GRM7: variants seen among roughly 807,000 people sequenced by gnomAD.
GRM7 encodes metabotropic glutamate receptor 7.
Under a neutral mutation model 84.5 loss-of-function variants are expected in GRM7, and 35 were observed. The observed-to-expected ratio is 0.41, with a 90% CI of 0.32 to 0.55. GRM7 has a LOEUF of 0.55. Among genes scored for constraint, GRM7 ranks in the 20% least tolerant of loss-of-function variants. GRM7 has a pLI of 0.19. For synonymous variants in GRM7, 487 were observed against 455.1 expected (o/e 1.07, Z -0.89); for missense variants, 1,003 against 1,194.6 (o/e 0.84, Z 2.36).
chr3:7,343,262 C>T (rs755099258), intron 4 of GRM7, among the ~76,000 whole-genome samples: 1 of 152,048 alleles, frequency 6.6e-6, no homozygotes, highest in Non-Finnish European at 1.5e-5. Flanking sequence ...GAGACAGTGT[C>T]TCACTCTGTT....
chr3:7,723,184 A>T (rs1217519915), intron 9 of GRM7, among the ~76,000 whole-genome samples: 1 of 152,178 alleles, frequency 6.6e-6, no homozygotes, highest in Non-Finnish European at 1.5e-5. Flanking sequence ...CAATTCTCCA[A>T]CATAATCATA....
At chr3:7,342,655 CCAGA>C (rs138105002) in intron 4 of GRM7, among the ~76,000 whole-genome samples, 6,320 of 152,194 alleles carry the variant, frequency 0.042, 286 homozygotes, top group African/African-American at 0.11. Flanking sequence ...AGGTTCCATC[CCAGA>C]CAGAGAATCT....
intron 8 of GRM7, among the ~76,000 whole-genome samples, chr3:7,635,792 C>G (rs759903806): frequency 3.8e-4 from 58 of 152,154 alleles, no homozygotes; most frequent in South Asian, 1.2e-3. Flanking sequence ...TCCTGCCTCA[C>G]CTTCCTGAGT....
In GRM7 at chr3:6,861,327, C is replaced by G. The variant is rs1018071024; in HGVS notation, c.-62C>G. ...GGAGCTCGCCCTGAAGGGCCCGGAC[C>G]TCGGCGAGCCCACCACCGTTCCCTC... On this transcript the variant is annotated 5_prime_UTR_variant, in exon 1 of 10. Transcript: ENST00000357716. The surrounding 1 kb of genome is among the most constrained non-coding windows in gnomAD (Gnocchi z 6.4). 1.4e-6 allele frequency: 2 copies of G among 1,402,210 alleles called. No homozygotes were observed. The highest frequency in any genetic ancestry group is 2.6e-4 in the Middle Eastern group (1 of 3,818). 86.9% of individuals were successfully genotyped at this position (1,402,210 alleles called of 1,614,324 possible).
chr3:7,730,209 T>C (rs1007664833), intron 9 of GRM7, among the ~76,000 whole-genome samples: 3 of 151,972 alleles, frequency 2.0e-5, no homozygotes, highest in African/African-American at 7.2e-5. Flanking sequence ...GGTTTCACCA[T>C]GTTGGCCAGG....
At chr3:7,211,448 T>C (rs2124847210) in intron 2 of GRM7, among the ~76,000 whole-genome samples, 1 of 152,284 alleles carries the variant, frequency 6.6e-6, no homozygotes, top group African/African-American at 2.4e-5. Flanking sequence ...ATGGATCATC[T>C]AGGGTTCCTG....
Position 7,051,871 on chromosome 3 carries a change from A to G in GRM7, c.520-94581A>G, listed in dbSNP as rs1199000371. On this transcript the variant is annotated intron_variant, in intron 1 of 9. Transcript: ENST00000357716. ...TGGTAGATCAACCTGTAATCTCTAC[A>G]TCAATGGGTGACTTTATTTAATAGT... Among the ~76,000 whole-genome samples, 3 of 151,850 alleles carry G rather than the reference A, an allele frequency of 2.0e-5. No individual in the cohort carries two copies. The South Asian group carries it at 6.2e-4, about 31-fold the overall frequency.
chr3:7,567,154 C>T (rs1426655531), intron 7 of GRM7, among the ~76,000 whole-genome samples: 1 of 152,174 alleles, frequency 6.6e-6, no homozygotes, highest in African/African-American at 2.4e-5. Flanking sequence ...TGTCCAGCTT[C>T]TGTAGGCATT....
chr3:7,526,229 C>T (rs1700802050), intron 7 of GRM7, among the ~76,000 whole-genome samples: 1 of 152,224 alleles, frequency 6.6e-6, no homozygotes, highest in South Asian at 2.1e-4. Flanking sequence ...TTAATAACAG[C>T]CATTCTGACT....
At chr3:6,908,563 G>C (rs2095555993) in intron 1 of GRM7, among the ~76,000 whole-genome samples, 1 of 152,082 alleles carries the variant, frequency 6.6e-6, no homozygotes, top group Admixed American at 6.6e-5. Flanking sequence ...TCCCCTATTT[G>C]CTTGCCTTTT....
intron 8 of GRM7, among the ~76,000 whole-genome samples, chr3:7,674,863 G>A (rs1200741909): frequency 6.6e-6 from 1 of 152,128 alleles, no homozygotes; most frequent in Non-Finnish European, 1.5e-5. Flanking sequence ...AAAGATAAAA[G>A]TACCAAAACT....
chr3:7,239,273 T>G (rs1697462736), intron 2 of GRM7, among the ~76,000 whole-genome samples: 1 of 152,096 alleles, frequency 6.6e-6, no homozygotes, highest in Non-Finnish European at 1.5e-5. Flanking sequence ...AGTGCTAGGT[T>G]TATATACGTG....
At chr3:6,966,081 T>C (rs979843381) in intron 1 of GRM7, among the ~76,000 whole-genome samples, 1 of 152,226 alleles carries the variant, frequency 6.6e-6, no homozygotes, top group Non-Finnish European at 1.5e-5. Context: ...ACGAGTGCTA[T>C]ACGAAATGCC....
At chr3:7,273,416 C>T (rs533602231) in intron 2 of GRM7, among the ~76,000 whole-genome samples, 1 of 152,204 alleles carries the variant, frequency 6.6e-6, no homozygotes, top group African/African-American at 2.4e-5. Flanking sequence ...CACTAATTTT[C>T]TGCCTGCTAA....
chr3:7,677,490 A>T (rs552233462), intron 8 of GRM7, among the ~76,000 whole-genome samples: 25 of 152,278 alleles, frequency 1.6e-4, no homozygotes, highest in African/African-American at 5.5e-4. Context: ...CAGATAGACT[A>T]GCTCTAGAAT....
At chr3:7,332,855 C>G (rs536367239) in intron 4 of GRM7, among the ~76,000 whole-genome samples, 7 of 152,200 alleles carry the variant, frequency 4.6e-5, no homozygotes, top group African/African-American at 1.7e-4. Context: ...CCTGCCCCTA[C>G]TGGATGGATG....
rs1559469392 is a variant in GRM7 at position 7,146,481 on chromosome 3, A to ACCCGAGCTAAGT, written c.550_561dup (p.Pro184_Ser187dup). On this transcript the variant is annotated inframe_insertion, in exon 2 of 10. Transcript: ENST00000357716. ...CCCAGATTAGTTATGCATCAACGGC[A>ACCCGAGCTAAGT]CCCGAGCTAAGTGATGACCGGCGCT... The ACCCGAGCTAAGT allele has an allele frequency of 6.2e-7, 1 of 1,613,642 alleles. No individual in the cohort carries two copies. Among genetic ancestry groups the ACCCGAGCTAAGT allele is most frequent in the South Asian group, 1.1e-5 (1 of 91,038 alleles).
At chr3:7,685,039 T>TCTA (rs1295395343) in intron 9 of GRM7, among the ~76,000 whole-genome samples, 5 of 152,210 alleles carry the variant, frequency 3.3e-5, no homozygotes, top group Non-Finnish European at 5.9e-5. Context: ...CCCTGTACTT[T>TCTA]CTACAGTTCA....
At chr3:7,064,953 T>G (rs1411507123) in intron 1 of GRM7, among the ~76,000 whole-genome samples, 1 of 151,972 alleles carries the variant, frequency 6.6e-6, no homozygotes, top group Non-Finnish European at 1.5e-5. Context: ...TGTTGGACAT[T>G]TTTTCATATG....
Sources: gnomAD v4.1 joint callset for allele counts (sites outside exome capture counted in the v4.1 genomes callset) on GRCh38, gnomAD v4.1.1 for gene constraint, Gnocchi (gnomAD v3.1) non-coding constraint, MANE v1.5 for transcripts, NCBI Gene and HGNC (gene_info 2026-07-23, HGNC 2026-07-21) for gene names.